PTCHD4: variants seen among roughly 807,000 people sequenced by gnomAD.
The protein encoded by PTCHD4 is patched domain-containing protein 4.
A neutral mutation model predicts 58.1 loss-of-function variants in PTCHD4; 33 were observed. The ratio of observed to expected loss-of-function variants is 0.57; its 90% CI spans 0.43 to 0.76. The LOEUF is 0.76. PTCHD4 is among the 30% of genes least tolerant of loss of function. PTCHD4 has a pLI of 0.00. For missense variants in PTCHD4, 1,058 were observed against 1,027.1 expected, an observed-to-expected ratio of 1.03 and a Z score of -0.41; for synonymous variants, 478 against 409.6, an observed-to-expected ratio of 1.17 and a Z score of -2.02.
chr6:48,109,823 A>G (rs1244318267), intron 1 of PTCHD4, among the ~76,000 whole-genome samples: 1 of 152,158 alleles, frequency 6.6e-6, no homozygotes, highest in Non-Finnish European at 1.5e-5. Flanking sequence ...AAAGGTATGT[A>G]AAAATTCGTC....
intron 3 of PTCHD4, among the ~76,000 whole-genome samples, chr6:48,042,320 A>C (rs1258456632): frequency 6.6e-6 from 1 of 152,038 alleles, no homozygotes; most frequent in Non-Finnish European, 1.5e-5. Context: ...ATAAGCAGTC[A>C]AAAGATTTAT....
At chr6:48,095,116 G>C (rs1475011974) in intron 1 of PTCHD4, among the ~76,000 whole-genome samples, 1 of 152,100 alleles carries the variant, frequency 6.6e-6, no homozygotes, top group Non-Finnish European at 1.5e-5. Context: ...GTTTCATAGA[G>C]GTATATATGT....
At position 47,873,971 on chromosome 6, in the gene PTCHD4, C is replaced by T. The variant is rs1039150577; in HGVS notation, c.*4332G>A. Among the ~76,000 whole-genome samples, 3 of 151,694 alleles carry T rather than the reference C, an allele frequency of 2.0e-5. No homozygotes were observed. Among genetic ancestry groups the T allele is most frequent in the Non-Finnish European group, 4.4e-5 (3 of 67,780 alleles). On this transcript the variant is annotated 3_prime_UTR_variant, in exon 5 of 5. Transcript: ENST00000339488. ...AATATCCTTCGCAGACACCAACAAA[C>T]CAGACTGAACAGAAAGATCCCTGTA...
At chr6:47,887,691 T>C (rs556849079) in intron 4 of PTCHD4, among the ~76,000 whole-genome samples, 2 of 152,348 alleles carry the variant, frequency 1.3e-5, no homozygotes, top group South Asian at 4.1e-4. Flanking sequence ...TGAGAGATGA[T>C]GAACTCTTTA....
chr6:47,997,708 A>G (rs1358152318), intron 4 of PTCHD4, among the ~76,000 whole-genome samples: 1 of 152,212 alleles, frequency 6.6e-6, no homozygotes, highest in Admixed American at 6.5e-5. Context: ...TTACTCAATC[A>G]TTAACAAAGA....
chr6:47,862,964 C>T lies in PTCHD4; in HGVS notation c.*15339G>A, dbSNP rs1226338164. Among the ~76,000 whole-genome samples the T allele has an allele frequency of 6.6e-6, 1 of 151,888 alleles. No individual in the cohort carries two copies. The highest frequency in any genetic ancestry group is 1.5e-5 in the Non-Finnish European group (1 of 67,880). ...TTATGCTACTGGAACATTAATTTCA[C>T]ACATTGAGGGTAATTCAAAGAATAG... On this transcript the variant is annotated 3_prime_UTR_variant, in exon 5 of 5. Coordinates refer to ENST00000339488, the MANE Select transcript of PTCHD4 (RefSeq NM_001384253.1).
At chr6:47,884,703 G>A (rs545047238) in intron 4 of PTCHD4, among the ~76,000 whole-genome samples, 1 of 152,156 alleles carries the variant, frequency 6.6e-6, no homozygotes, top group South Asian at 2.1e-4. Flanking sequence ...CTCCATTCAA[G>A]TTCTGGACTT....
chr6:47,968,029 A>C (rs1301363280), intron 4 of PTCHD4, among the ~76,000 whole-genome samples: 1 of 152,216 alleles, frequency 6.6e-6, no homozygotes, highest in African/African-American at 2.4e-5. Flanking sequence ...AGCTGGCGCA[A>C]GATGACTAGC....
chr6:47,932,793 C>T (rs1409267178), intron 4 of PTCHD4, among the ~76,000 whole-genome samples: 2 of 152,230 alleles, frequency 1.3e-5, no homozygotes, highest in African/African-American at 2.4e-5. Flanking sequence ...CCAACCTTGC[C>T]ACTTCCTGGC....
At chr6:47,927,301 G>A (rs1313513721) in intron 4 of PTCHD4, among the ~76,000 whole-genome samples, 1 of 152,276 alleles carries the variant, frequency 6.6e-6, no homozygotes, top group East Asian at 1.9e-4. Flanking sequence ...GGGAGAATGT[G>A]GGTGGTAGTA....
chr6:48,020,202 AT>A (rs989849870), intron 3 of PTCHD4, among the ~76,000 whole-genome samples: 3 of 152,000 alleles, frequency 2.0e-5, no homozygotes, highest in African/African-American at 2.4e-5. Flanking sequence ...GCATGGCATG[AT>A]TTTTTTTCCT....
chr6:47,978,246 C>T (rs569597188), intron 4 of PTCHD4, among the ~76,000 whole-genome samples: 1 of 151,822 alleles, frequency 6.6e-6, no homozygotes, highest in African/African-American at 2.4e-5. Flanking sequence ...TGATTCTTTC[C>T]ATTTCTCCTA....
intron 4 of PTCHD4, among the ~76,000 whole-genome samples, chr6:47,973,116 T>C (rs923168285): frequency 2.0e-5 from 3 of 152,202 alleles, no homozygotes; most frequent in African/African-American, 7.2e-5. Flanking sequence ...GCTTAACTTA[T>C]ACCATTATGT....
chr6:48,001,936 A>G (rs1768738678), intron 4 of PTCHD4, among the ~76,000 whole-genome samples: 1 of 152,254 alleles, frequency 6.6e-6, no homozygotes, highest in Non-Finnish European at 1.5e-5. Flanking sequence ...AACCCCATCA[A>G]CAAGTGGGTG....
chr6:48,003,897 ACTCAT>A (rs1768840105), intron 4 of PTCHD4, among the ~76,000 whole-genome samples: 1 of 152,102 alleles, frequency 6.6e-6, no homozygotes, highest in African/African-American at 2.4e-5. Flanking sequence ...TGCCAGAGCC[ACTCAT>A]CTCAGGTGCT....
rs1763486838 is a variant in PTCHD4, at chr6:47,863,724, C to T, written c.*14579G>A. Among the ~76,000 whole-genome samples the T allele has an allele frequency of 1.3e-5, 2 of 151,948 alleles. No homozygotes were observed. The highest frequency in any genetic ancestry group is 3.2e-3 in the Middle Eastern group (1 of 316). ...TGGTTCTAGTTAAACCAGTCTATAA[C>T]AGGACTTCTCTGAAAATGACACATT... On this transcript the variant is annotated 3_prime_UTR_variant, in exon 5 of 5. Coordinates refer to ENST00000339488, the MANE Select transcript of PTCHD4 (RefSeq NM_001384253.1).
intron 4 of PTCHD4, among the ~76,000 whole-genome samples, chr6:47,928,761 A>G (rs1481334930): frequency 6.6e-6 from 1 of 152,142 alleles, no homozygotes; most frequent in Non-Finnish European, 1.5e-5. Context: ...TTCCGTGAGG[A>G]TAAGAAACAT....
chr6:47,963,171 G>T (rs1767162499), intron 4 of PTCHD4, among the ~76,000 whole-genome samples: 1 of 151,692 alleles, frequency 6.6e-6, no homozygotes, highest in African/African-American at 2.4e-5. Context: ...AAGAAAAAAA[G>T]AAAAATAGGA....
At chr6:48,026,917 A>AT (rs58551881) in intron 3 of PTCHD4, among the ~76,000 whole-genome samples, 3,529 of 148,412 alleles carry the variant, frequency 0.024, 121 homozygotes, top group African/African-American at 0.073. Flanking sequence ...AATTTGTCCC[A>AT]TTTTTTTTTT....
Sources: allele counts gnomAD v4.1 joint callset (sites outside exome capture counted in the v4.1 genomes callset), GRCh38; gene constraint gnomAD v4.1.1; transcripts MANE v1.5; gene names NCBI Gene and HGNC (gene_info 2026-07-23, HGNC 2026-07-21).